Variants in ITIH5 observed in about 807,000 individuals in gnomAD.
ITIH5 encodes inter-alpha-trypsin inhibitor heavy chain H5.
In ITIH5, 65 loss-of-function variants were observed where a neutral mutation model predicts 77.5. The ratio of observed to expected loss-of-function variants is 0.84; its 90% CI spans 0.69 to 1.03. ITIH5 has a LOEUF of 1.03. ITIH5 is among the 50% of genes least tolerant of loss of function. The probability of loss-of-function intolerance (pLI) is 0.00; values close to 1 mark genes in which losing one functional copy is unlikely to be tolerated. For synonymous variants in ITIH5, 525 were observed against 494.3 expected (o/e 1.06, Z -0.82); for missense variants, 1,208 against 1,213.1 (o/e 1.00, Z 0.06).
At chr10:7,665,495 C>T (rs1221009072) in intron 1 of ITIH5, among the ~76,000 whole-genome samples, 1 of 152,126 alleles carries the variant, frequency 6.6e-6, no homozygotes, top group Non-Finnish European at 1.5e-5. Flanking sequence ...AATATAAGGC[C>T]GAAAGGCACT....
At chr10:7,623,896 T>C (rs2131047592) in intron 5 of ITIH5, among the ~76,000 whole-genome samples, 1 of 152,254 alleles carries the variant, frequency 6.6e-6, no homozygotes, top group South Asian at 2.1e-4. Context: ...ACGTGAATGT[T>C]TGGTATTTTA....
rs74123521 is a variant in ITIH5, at chr10:7,665,375, A to C, written c.90+1428T>G. 4.0e-3 allele frequency among the ~76,000 whole-genome samples: 615 copies of C among 152,346 alleles called. 5 individuals carry two copies. The highest frequency in any genetic ancestry group is 0.014 in the Middle Eastern group (4 of 294). On this transcript the variant is annotated intron_variant, in intron 1 of 13. Coordinates refer to ENST00000397146, the MANE Select transcript of ITIH5 (RefSeq NM_030569.7). ...CTTCACTCAGCATGTCAGCAGCATG[A>C]GTCTAAGACCATGGCCAGCATTAAG...
intron 8 of ITIH5, among the ~76,000 whole-genome samples, chr10:7,580,728 G>C (rs74624984): frequency 0.022 from 3,367 of 152,282 alleles, 128 homozygotes; most frequent in African/African-American, 0.078. Flanking sequence ...GAGGGGCATG[G>C]AACGAAGAGG....
intron 8 of ITIH5, among the ~76,000 whole-genome samples, chr10:7,584,827 G>A (rs1212540254): frequency 6.6e-6 from 1 of 152,172 alleles, no homozygotes; most frequent in Non-Finnish European, 1.5e-5. Context: ...TCCTGCCGTA[G>A]AGCATCACTA....
At chr10:7,571,203 A>C (rs1436694492) in intron 11 of ITIH5, among the ~76,000 whole-genome samples, 1 of 151,922 alleles carries the variant, frequency 6.6e-6, no homozygotes, top group Non-Finnish European at 1.5e-5. Flanking sequence ...ATGGGGAAAA[A>C]CTGACCCCCA....
chr10:7,595,234 A>T (rs935012854), intron 7 of ITIH5, among the ~76,000 whole-genome samples: 1 of 152,204 alleles, frequency 6.6e-6, no homozygotes, highest in African/African-American at 2.4e-5. Flanking sequence ...TGTAAATAAA[A>T]AAATAATAAA....
At chr10:7,585,393 G>A (rs767286017) in intron 8 of ITIH5, among the ~76,000 whole-genome samples, 44 of 152,120 alleles carry the variant, frequency 2.9e-4, no homozygotes, top group Non-Finnish European at 6.3e-4. Flanking sequence ...CAGTGGCTGA[G>A]AGCCCACATC....
chr10:7,628,806 T>G lies in ITIH5; in HGVS notation c.652+8422A>C, dbSNP rs1408621835. On this transcript the variant is annotated intron_variant, in intron 5 of 13. Coordinates refer to ENST00000397146, the MANE Select transcript of ITIH5 (RefSeq NM_030569.7). ...CCATGTTATCATATGTATCTGTGTTTTTGCATGTGTCCATGTTGTAGCGTG... is the reference window on the plus strand; with the variant it reads ...CCATGTTATCATATGTATCTGTGTTGTTGCATGTGTCCATGTTGTAGCGTG... Among the ~76,000 whole-genome samples, 24 of 97,204 alleles carry G rather than the reference T, an allele frequency of 2.5e-4. 3 individuals carry two copies. Among genetic ancestry groups the G allele is most frequent in the Admixed American group, 1.8e-3 (18 of 9,906 alleles). 63.8% of individuals were successfully genotyped at this position (97,204 alleles called of 152,430 possible).
intron 7 of ITIH5, among the ~76,000 whole-genome samples, chr10:7,597,816 A>G (rs1832936724): frequency 6.6e-6 from 1 of 152,250 alleles, no homozygotes; most frequent in East Asian, 1.9e-4. Flanking sequence ...AAAAGGTAAT[A>G]TAAACTTATG....
chr10:7,612,660 T>G (rs1035117437), intron 7 of ITIH5, among the ~76,000 whole-genome samples: 9 of 103,004 alleles, frequency 8.7e-5, no homozygotes, highest in East Asian at 2.3e-4. Context: ...AAAGCTGTGT[T>G]TTTTTTTTTT....
intron 12 of ITIH5, among the ~76,000 whole-genome samples, chr10:7,567,633 T>G (rs1832216205): frequency 6.6e-6 from 1 of 152,182 alleles, no homozygotes; most frequent in Non-Finnish European, 1.5e-5. Context: ...CATCTTATGA[T>G]GCCACTGAGC....
intron 5 of ITIH5, among the ~76,000 whole-genome samples, chr10:7,635,750 C>T (rs917132063): frequency 6.6e-6 from 1 of 152,114 alleles, no homozygotes; most frequent in African/African-American, 2.4e-5. Context: ...CATAGACCAC[C>T]AGCTCTAGGC....
intron 5 of ITIH5, among the ~76,000 whole-genome samples, chr10:7,624,798 A>ATAT (rs1554755317): frequency 2.2e-3 from 133 of 61,784 alleles, no homozygotes; most frequent in Middle Eastern, 0.019. Flanking sequence ...AAAAAAAAAA[A>ATAT]ATATATATAT....
chr10:7,608,334 C>G (rs539009468), intron 7 of ITIH5, among the ~76,000 whole-genome samples: 4 of 152,218 alleles, frequency 2.6e-5, no homozygotes, highest in African/African-American at 9.6e-5. Flanking sequence ...GGCTGGAGTG[C>G]AATGGCGCCA....
chr10:7,640,577 T>C (rs1485778348), intron 4 of ITIH5, among the ~76,000 whole-genome samples, 177 bp downstream of exon 4: 4 of 152,154 alleles, frequency 2.6e-5, no homozygotes, highest in Non-Finnish European at 5.9e-5. Context: ...AAAATTCTCC[T>C]TTTTATTACA....
At chr10:7,648,750 C>A (rs1834045727) in intron 2 of ITIH5, among the ~76,000 whole-genome samples, 2 of 152,090 alleles carry the variant, frequency 1.3e-5, no homozygotes, top group African/African-American at 2.4e-5. Flanking sequence ...GAAATAATTT[C>A]ATTTAATTTA....
chr10:7,617,969 T>C (rs11599216), intron 5 of ITIH5: 4,626 of 152,220 alleles, frequency 0.03, 116 homozygotes, highest in Non-Finnish European at 0.05. Context: ...TCCTATGGGA[T>C]TTCTCTTTTT....
At chr10:7,586,539 C>G (rs1398396208) in intron 7 of ITIH5, among the ~76,000 whole-genome samples, 1 of 152,168 alleles carries the variant, frequency 6.6e-6, no homozygotes, top group African/African-American at 2.4e-5. Flanking sequence ...ACACATCACA[C>G]GATGATGATT....
intron 8 of ITIH5, among the ~76,000 whole-genome samples, chr10:7,585,512 T>C (rs1045279545): frequency 6.6e-5 from 10 of 152,164 alleles, no homozygotes; most frequent in African/African-American, 2.4e-4. Flanking sequence ...CAGTTCCACC[T>C]GCCCCTGCCC....
Sources: allele counts gnomAD v4.1 joint callset (sites outside exome capture counted in the v4.1 genomes callset), GRCh38; gene constraint gnomAD v4.1.1; transcripts MANE v1.5; gene names NCBI Gene and HGNC (gene_info 2026-07-23, HGNC 2026-07-21).